RPGR: variants seen among roughly 807,000 people sequenced by gnomAD.
RPGR encodes retinitis pigmentosa GTPase regulator.
In RPGR, 10 loss-of-function variants were observed where a neutral mutation model predicts 56.3. The ratio of observed to expected loss-of-function variants is 0.18; its 90% CI spans 0.11 to 0.30. RPGR has a LOEUF of 0.30. Among genes scored for constraint, RPGR ranks in the 10% least tolerant of loss-of-function variants. The probability of loss-of-function intolerance (pLI) is 1.00; values close to 1 mark genes in which losing one functional copy is unlikely to be tolerated. For missense variants in RPGR, 538 were observed against 590.9 expected (o/e 0.91, Z 0.93); for synonymous variants, 197 against 212.9 (o/e 0.93, Z 0.65).
chrX:38,304,916 C>A, intron 7 of RPGR, 126 bp from the exon 8 acceptor site: 2 of 556,639 alleles, frequency 3.6e-6, no homozygotes, highest in South Asian at 5.6e-5. Context: ...GAAAAAAAAA[C>A]ATTTAAGAAT....
In RPGR at chrX:38,269,660, G is replaced by A; in HGVS notation, c.2414C>T (p.Thr805Ile). ...TGTACAGGATTTTGATCTTCTCTCT[G>A]TATTTGTTGGTGGGATATTCTGATG... The change falls in exon 19 of 19, where the codon ACA (threonine) becomes ATA (isoleucine). Residue 805 changes from threonine to isoleucine, a missense_variant. Around this residue, in one of 2 missense-constraint regions of RPGR, gnomAD observed 357 missense variants for 325.8 expected, o/e 1.10. Coordinates refer to ENST00000642395, the MANE Select transcript of RPGR (RefSeq NM_000328.3). The A allele has an allele frequency of 1.7e-6, 2 of 1,205,347 alleles. No homozygotes were observed. Among genetic ancestry groups the A allele is most frequent in the Non-Finnish European group, 2.2e-6 (2 of 890,032 alleles).
rs1281788980 is a variant in RPGR, at chrX:38,298,944, C to A, written c.1245+12G>T. On this transcript the variant is annotated intron_variant, in intron 10 of 18. Transcript: ENST00000642395. ...AGATAATACTATTATACAGAATAGGCCACAATTGTACCCTCTCTCTTCGCC... is the reference window on the plus strand; with the variant it reads ...AGATAATACTATTATACAGAATAGGACACAATTGTACCCTCTCTCTTCGCC... The A allele has an allele frequency of 8.3e-7, 1 of 1,208,152 alleles. No homozygotes were observed. The highest frequency in any genetic ancestry group is 1.7e-5 in the African/African-American group (1 of 57,682).
chrX:38,323,219 G>C (rs1208491336), intron 2 of RPGR, among the ~76,000 whole-genome samples, 180 bp downstream of exon 2: 6 of 111,647 alleles, frequency 5.4e-5, no homozygotes. Context: ...AATATACTAA[G>C]GAAACTTAAA....
rs2067563723 is a variant in RPGR, at chrX:38,304,726, A to G, written c.843T>C (p.Phe281=). The change falls in exon 8 of 19, where the codon TTT becomes TTC. Residue 281 remains phenylalanine, a synonymous_variant. Transcript: ENST00000642395. ...CAATGACTTTGGGTTCTGAAGTTTC[A>G]AAAAGAAAAGTGCCAAGACCCAGCT... 1 of 1,209,214 alleles carries G rather than the reference A, an allele frequency of 8.3e-7. No homozygotes were observed. Among genetic ancestry groups the G allele is most frequent in the Non-Finnish European group, 1.1e-6 (1 of 893,387 alleles).
intron 17 of RPGR, chrX:38,275,011 C>T (rs975072641): frequency 1.2e-6 from 1 of 820,449 alleles, no homozygotes; most frequent in East Asian, 3.2e-5. Context: ...CTTATAATTA[C>T]CCAATTATGG....
intron 15 of RPGR, chrX:38,286,604 C>T: frequency 9.0e-7 from 1 of 1,116,418 alleles, no homozygotes; most frequent in Non-Finnish European, 1.2e-6. Context: ...TCTGTTTCCT[C>T]CTCTTCCCCC....
intron 18 of RPGR, among the ~76,000 whole-genome samples, chrX:38,271,405 C>T (rs2066839302): frequency 9.0e-6 from 1 of 111,700 alleles, no homozygotes; most frequent in South Asian, 3.7e-4. Context: ...TAAGGGAAAT[C>T]CTTGTAGACC....
At position 38,275,226 on chromosome X, in the gene RPGR, G is replaced by A. The variant is rs768322200; in HGVS notation, c.2092-80C>T. The A allele has an allele frequency of 3.8e-6, 3 of 799,610 alleles. No individual in the cohort carries two copies. The East Asian group carries it at 9.7e-5, about 26-fold the overall frequency. 65.9% of individuals were successfully genotyped at this position (799,610 alleles called of 1,213,427 possible). ...AACTTAAGTCTGAATCTTTAAGCAGGTTCTAGAGTCTGCCTCTAGCTAATG... is the reference window on the plus strand; with the variant it reads ...AACTTAAGTCTGAATCTTTAAGCAGATTCTAGAGTCTGCCTCTAGCTAATG... On this transcript the variant is annotated intron_variant, in intron 16 of 18. Transcript: ENST00000642395.
intron 9 of RPGR, among the ~76,000 whole-genome samples, chrX:38,300,628 G>C (rs933056971): frequency 1.8e-5 from 2 of 111,545 alleles, no homozygotes; most frequent in Admixed American, 1.9e-4. Flanking sequence ...TCCACCTTCT[G>C]GGTTCAAGCA....
chrX:38,317,455 T>C lies in RPGR; in HGVS notation c.480A>G (p.Arg160=). 1 of 1,208,281 alleles carries C rather than the reference T, an allele frequency of 8.3e-7. No individual in the cohort carries two copies. Among genetic ancestry groups the C allele is most frequent in the Admixed American group, 2.2e-5 (1 of 45,851 alleles). ...CGGAATTGTCACCCCACATAAAAAG[T>C]CTTCCATCCTCTATAAAGAAAAATA... Residue 160 remains arginine, a synonymous_variant, in exon 6 of 19, where the codon AGA becomes AGG. Coordinates refer to ENST00000642395, the MANE Select transcript of RPGR (RefSeq NM_000328.3).
chrX:38,326,250 T>C (rs1168484204), intron 1 of RPGR, among the ~76,000 whole-genome samples: 2 of 112,354 alleles, frequency 1.8e-5, no homozygotes, highest in Non-Finnish European at 3.8e-5. Context: ...TTGTTTACTT[T>C]CCTGTATGTC....
At chrX:38,316,985 C>A (rs2067838220) in intron 6 of RPGR, among the ~76,000 whole-genome samples, 1 of 111,062 alleles carries the variant, frequency 9.0e-6, no homozygotes, top group African/African-American at 3.3e-5. Flanking sequence ...CCCAACATTT[C>A]CAATATTTTA....
At chrX:38,273,694 G>C (rs2066881536) in intron 17 of RPGR, 3 of 317,995 alleles carry the variant, frequency 9.4e-6, no homozygotes, top group Non-Finnish European at 1.7e-5. Flanking sequence ...ATGTTTAGAT[G>C]ACCAGTATCC....
At chrX:38,303,848 C>T (rs2067546920) in intron 8 of RPGR, 3 of 294,447 alleles carry the variant, frequency 1.0e-5, no homozygotes, top group Admixed American at 1.2e-4. Flanking sequence ...AGTAGAAATA[C>T]TAGTACATGG....
At chrX:38,313,174 T>C (rs1374447600) in intron 6 of RPGR, among the ~76,000 whole-genome samples, 1 of 111,816 alleles carries the variant, frequency 8.9e-6, no homozygotes, top group African/African-American at 3.3e-5. Flanking sequence ...CCATCTTTCA[T>C]GGTTAATCTC....
At chrX:38,269,952 C>A in intron 18 of RPGR, 1 of 531,813 alleles carries the variant, frequency 1.9e-6, no homozygotes. Context: ...CTTTATGGGG[C>A]ACCACATGTA....
At chrX:38,311,693 C>T (rs180701903) in intron 6 of RPGR, among the ~76,000 whole-genome samples, 21 of 111,682 alleles carry the variant, frequency 1.9e-4, no homozygotes, top group African/African-American at 6.2e-4. Flanking sequence ...GTCAGGGCTG[C>T]TTGCACAAAC....
At chrX:38,309,303 A>C (rs1001715024) in intron 7 of RPGR, among the ~76,000 whole-genome samples, 1 of 112,016 alleles carries the variant, frequency 8.9e-6, no homozygotes, top group Non-Finnish European at 1.9e-5. Flanking sequence ...TTAATGAATT[A>C]CTATAACAGA....
At chrX:38,319,868 C>T (rs900208471) in intron 4 of RPGR, among the ~76,000 whole-genome samples, 3 of 112,041 alleles carry the variant, frequency 2.7e-5, no homozygotes, top group Non-Finnish European at 5.6e-5. Context: ...TAAAGCCTTG[C>T]TAAATTATAA....
Sources: allele counts gnomAD v4.1 joint callset (sites outside exome capture counted in the v4.1 genomes callset), GRCh38; gene constraint gnomAD v4.1.1; regional missense constraint gnomAD v4.1.1; transcripts MANE v1.5; gene names NCBI Gene and HGNC (gene_info 2026-07-23, HGNC 2026-07-21).